The following CDH12 variants were observed in gnomAD, a reference collection of about 807,000 sequenced individuals.
The protein encoded by CDH12 is cadherin-12.
A neutral mutation model predicts 74.1 loss-of-function variants in CDH12; 41 were observed. That is an observed-to-expected ratio of 0.55 (90% CI 0.43 to 0.72). The LOEUF (loss-of-function observed/expected upper bound fraction) is 0.72. Among genes scored for constraint, CDH12 ranks in the 30% least tolerant of loss-of-function variants. The pLI, the probability that CDH12 is intolerant of heterozygous loss-of-function variation, is 0.00. For missense variants in CDH12, 945 were observed against 977.2 expected, an observed-to-expected ratio of 0.97 and a Z score of 0.44; for synonymous variants, 399 against 355.0, an observed-to-expected ratio of 1.12 and a Z score of -1.39.
intron 2 of CDH12, among the ~76,000 whole-genome samples, chr5:22,467,027 C>T (rs1239953640): frequency 6.6e-6 from 1 of 151,416 alleles, no homozygotes; most frequent in Non-Finnish European, 1.5e-5. Flanking sequence ...CCTCGTGATC[C>T]GCCCACCTCG....
chr5:21,829,289 A>T (rs1273156983), intron 8 of CDH12, among the ~76,000 whole-genome samples: 4 of 152,206 alleles, frequency 2.6e-5, no homozygotes, highest in Non-Finnish European at 5.9e-5. Context: ...TGAGAGAGAG[A>T]GATTCCATTT....
chr5:22,039,950 C>A (rs1197087062), intron 5 of CDH12, among the ~76,000 whole-genome samples: 1 of 151,398 alleles, frequency 6.6e-6, no homozygotes, highest in African/African-American at 2.4e-5. Context: ...AACACAAGAA[C>A]CCTCCAGTAA....
At chr5:21,963,617 T>C (rs924179472) in intron 6 of CDH12, among the ~76,000 whole-genome samples, 8 of 152,096 alleles carry the variant, frequency 5.3e-5, no homozygotes, top group African/African-American at 7.2e-5. Context: ...AAAAGGCAAG[T>C]CCCTCCAATA....
At chr5:22,311,473 G>C (rs1738385472) in intron 3 of CDH12, among the ~76,000 whole-genome samples, 1 of 152,038 alleles carries the variant, frequency 6.6e-6, no homozygotes, top group Non-Finnish European at 1.5e-5. Flanking sequence ...CGGAGGCCTA[G>C]GAGGGTGGAT....
chr5:22,692,722 T>A (rs1742148949), intron 1 of CDH12, among the ~76,000 whole-genome samples: 1 of 152,172 alleles, frequency 6.6e-6, no homozygotes, highest in Non-Finnish European at 1.5e-5. Flanking sequence ...TATTAGAGAA[T>A]CCTTGTATGA....
At chr5:22,533,236 A>G (rs1737673756) in intron 1 of CDH12, among the ~76,000 whole-genome samples, 1 of 152,164 alleles carries the variant, frequency 6.6e-6, no homozygotes, top group African/African-American at 2.4e-5. Context: ...AAGGTCACAA[A>G]ACATTCTGTA....
At chr5:22,786,720 GT>G (rs199802027) in intron 1 of CDH12, among the ~76,000 whole-genome samples, 1 of 149,582 alleles carries the variant, frequency 6.7e-6, no homozygotes, top group Admixed American at 6.7e-5. Context: ...TTTTCTTTCT[GT>G]TTTTTTTTCT....
At chr5:22,240,912 A>G (rs963372365) in intron 3 of CDH12, among the ~76,000 whole-genome samples, 1 of 152,152 alleles carries the variant, frequency 6.6e-6, no homozygotes, top group Non-Finnish European at 1.5e-5. Context: ...TAGAAGAAAA[A>G]GCAGAAGACA....
chr5:22,416,221 C>T (rs1479290274), intron 2 of CDH12, among the ~76,000 whole-genome samples: 1 of 150,522 alleles, frequency 6.6e-6, no homozygotes, highest in Non-Finnish European at 1.5e-5. Context: ...ACTACAGGCG[C>T]CCGCCACCAC....
At chr5:21,830,248 C>A (rs1417970393) in intron 8 of CDH12, among the ~76,000 whole-genome samples, 3 of 135,878 alleles carry the variant, frequency 2.2e-5, no homozygotes, top group Non-Finnish European at 3.1e-5. Flanking sequence ...TTCTTTGACT[C>A]TCACTTCTCT....
intron 5 of CDH12, among the ~76,000 whole-genome samples, chr5:22,026,273 G>A (rs1365249210): frequency 6.6e-6 from 1 of 152,172 alleles, no homozygotes; most frequent in Non-Finnish European, 1.5e-5. Context: ...CTAGTGGAAA[G>A]GAACTGTTAC....
At chr5:22,141,763 G>A (rs1345456409) in intron 4 of CDH12, among the ~76,000 whole-genome samples, 1 of 152,086 alleles carries the variant, frequency 6.6e-6, no homozygotes, top group African/African-American at 2.4e-5. Flanking sequence ...TGGGTCTGAG[G>A]CAAAGAAGAT....
chr5:22,076,883 T>C (rs930042873), intron 5 of CDH12, among the ~76,000 whole-genome samples: 4 of 152,182 alleles, frequency 2.6e-5, no homozygotes, highest in Admixed American at 2.6e-4. Context: ...TGTCCATTTA[T>C]CGTTTGGGGC....
At chr5:22,513,629 A>G (rs965121641) in intron 1 of CDH12, among the ~76,000 whole-genome samples, 7 of 152,138 alleles carry the variant, frequency 4.6e-5, no homozygotes, top group Non-Finnish European at 7.4e-5. Flanking sequence ...TTTGCAATAT[A>G]GAAGGATGTT....
At position 22,732,467 on chromosome 5, in the gene CDH12, T is replaced by TAC. The variant is rs762737475; in HGVS notation, c.-523+120590_-523+120591insGT. Among the ~76,000 whole-genome samples the TAC allele has an allele frequency of 8.8e-3, 1,232 of 139,790 alleles. 9 individuals carry two copies. Among genetic ancestry groups the TAC allele is most frequent in the Middle Eastern group, 0.029 (8 of 272 alleles). The allele number at this position is 139,790 out of a possible 152,430, so 91.7% of individuals were successfully genotyped here. A position where few individuals can be genotyped will look rare whatever the true frequency, so the allele number is the denominator to read the frequency against. ...ATGTGAATGTGTGTGTATATATATA[T>TAC]ATATACACACACACACACACACACA... On this transcript the variant is annotated intron_variant, in intron 1 of 14. Coordinates refer to ENST00000382254, the MANE Select transcript of CDH12 (RefSeq NM_004061.5).
At chr5:22,321,767 T>A (rs1319596024) in intron 3 of CDH12, among the ~76,000 whole-genome samples, 1 of 152,184 alleles carries the variant, frequency 6.6e-6, no homozygotes, top group African/African-American at 2.4e-5. Flanking sequence ...TTTTGTAATA[T>A]CTTAGTGCAG....
At chr5:22,799,249 T>G (rs567302181) in intron 1 of CDH12, among the ~76,000 whole-genome samples, 26 of 152,332 alleles carry the variant, frequency 1.7e-4, no homozygotes, top group South Asian at 1.0e-3. Flanking sequence ...GAACAGTATT[T>G]AGCACTTGCT....
chr5:21,935,927 A>AT (rs138584474), intron 6 of CDH12, among the ~76,000 whole-genome samples: 2,029 of 151,336 alleles, frequency 0.013, 16 homozygotes, highest in African/African-American at 0.023. Flanking sequence ...ACAGGAACTC[A>AT]TTTTTTTTTA....
intron 5 of CDH12, among the ~76,000 whole-genome samples, chr5:22,020,554 C>CAAAA (rs113531853): frequency 8.8e-6 from 1 of 114,260 alleles, no homozygotes. Flanking sequence ...GACTTCGTTT[C>CAAAA]AAAAAAAAAA....
Sources: allele counts gnomAD v4.1 joint callset (sites outside exome capture counted in the v4.1 genomes callset), GRCh38; gene constraint gnomAD v4.1.1; transcripts MANE v1.5; gene names NCBI Gene and HGNC (gene_info 2026-07-23, HGNC 2026-07-21).